NAALADL2: variants seen among roughly 807,000 people sequenced by gnomAD.
NAALADL2 encodes N-acetylated alpha-linked acidic dipeptidase like 2, also known as inactive N-acetylated-alpha-linked acidic dipeptidase-like protein 2.
Under a neutral mutation model 87.2 loss-of-function variants are expected in NAALADL2, and 76 were observed. That is an observed-to-expected ratio of 0.87 (90% CI 0.72 to 1.05). The LOEUF (loss-of-function observed/expected upper bound fraction) is 1.05. Ranked by LOEUF, NAALADL2 falls within the 50% of genes least tolerant of loss-of-function variation. NAALADL2 has a pLI of 0.00. For synonymous variants in NAALADL2, 354 were observed against 331.0 expected (o/e 1.07, Z -0.75); for missense variants, 1,089 against 945.8 (o/e 1.15, Z -1.99).
At chr3:174,451,458 C>T (rs1229550132) in intron 1 of NAALADL2, among the ~76,000 whole-genome samples, 1 of 152,108 alleles carries the variant, frequency 6.6e-6, no homozygotes, top group East Asian at 1.9e-4. Flanking sequence ...AACTACATAA[C>T]AGAAACTTGA....
At chr3:175,664,551 T>G (rs912055646) in intron 11 of NAALADL2, among the ~76,000 whole-genome samples, 2 of 152,134 alleles carry the variant, frequency 1.3e-5, no homozygotes, top group African/African-American at 4.8e-5. Flanking sequence ...ACCACACAGA[T>G]TGAACATCTG....
chr3:175,455,197 A>C (rs1435994316), intron 6 of NAALADL2, among the ~76,000 whole-genome samples: 1 of 152,008 alleles, frequency 6.6e-6, no homozygotes, highest in Non-Finnish European at 1.5e-5. Context: ...CCTTAACCCA[A>C]CCTGCTGGCC....
intron 11 of NAALADL2, among the ~76,000 whole-genome samples, chr3:175,695,781 A>G (rs531021086): frequency 1.3e-5 from 2 of 152,268 alleles, no homozygotes; most frequent in South Asian, 4.1e-4. Flanking sequence ...ATAAACAACT[A>G]TATGTTTCAA....
chr3:174,845,500 C>T (rs1263901903), intron 3 of NAALADL2, among the ~76,000 whole-genome samples: 1 of 152,194 alleles, frequency 6.6e-6, no homozygotes, highest in African/African-American at 2.4e-5. Flanking sequence ...AAGACCATTT[C>T]CCCTGGTGAC....
chr3:175,337,939 G>C (rs1240811099), intron 5 of NAALADL2, among the ~76,000 whole-genome samples: 2 of 152,210 alleles, frequency 1.3e-5, no homozygotes, highest in Non-Finnish European at 1.5e-5. Context: ...TAACGAGTAA[G>C]AGCCTAGCAA....
chr3:175,629,047 A>G (rs916885028), intron 11 of NAALADL2, among the ~76,000 whole-genome samples: 13 of 150,586 alleles, frequency 8.6e-5, no homozygotes, highest in African/African-American at 2.9e-4. Context: ...TTTTTTGTAT[A>G]TAACAGGATA....
intron 5 of NAALADL2, among the ~76,000 whole-genome samples, chr3:175,352,643 C>A (rs748643089): frequency 2.4e-4 from 36 of 152,044 alleles, no homozygotes; most frequent in South Asian, 6.2e-4. Flanking sequence ...ATAAACGATG[C>A]CTTAATAGTA....
chr3:174,628,474 CAAAAA>C (rs5854584), intron 2 of NAALADL2, among the ~76,000 whole-genome samples: 25 of 86,584 alleles, frequency 2.9e-4, no homozygotes, highest in African/African-American at 9.0e-4. Context: ...GAGACTGTCT[CAAAAA>C]AAAAAAAAAA....
At chr3:175,572,439 C>A (rs1482605703) in intron 9 of NAALADL2, among the ~76,000 whole-genome samples, 1 of 149,736 alleles carries the variant, frequency 6.7e-6, no homozygotes, top group African/African-American at 2.5e-5. Context: ...TTTTATATGG[C>A]AGAGGCAGCA....
rs1014106195 is a variant in NAALADL2, at chr3:175,520,381, C to T, written c.1653+48623C>T. ...TGGTGCAATCTCGGCTCACTGCAAG[C>T]TCCGCTTCCCGGGTTCACGCCATTC... On this transcript the variant is annotated intron_variant, in intron 9 of 13. Transcript: ENST00000454872. 9.3e-5 allele frequency among the ~76,000 whole-genome samples: 14 copies of T among 150,774 alleles called. No homozygotes were observed. In the East Asian group the frequency reaches 2.7e-3, roughly 29 times the overall value.
At chr3:175,542,018 A>G (rs1712434296) in intron 9 of NAALADL2, among the ~76,000 whole-genome samples, 1 of 152,044 alleles carries the variant, frequency 6.6e-6, no homozygotes, top group East Asian at 1.9e-4. Flanking sequence ...CACATGGACT[A>G]TGTGCAACTT....
At chr3:175,667,181 G>A (rs372662808) in intron 11 of NAALADL2, among the ~76,000 whole-genome samples, 87 of 95,224 alleles carry the variant, frequency 9.1e-4, no homozygotes, top group East Asian at 5.0e-3. Context: ...AAGAAAGAAA[G>A]AGAAAGAAAG....
chr3:175,410,655 T>C (rs1713333317), intron 5 of NAALADL2, among the ~76,000 whole-genome samples: 1 of 152,196 alleles, frequency 6.6e-6, no homozygotes, highest in Admixed American at 6.5e-5. Flanking sequence ...TTAACATATT[T>C]ACATGATACA....
intron 3 of NAALADL2, among the ~76,000 whole-genome samples, chr3:174,813,510 A>G (rs1720450711): frequency 6.6e-6 from 1 of 152,256 alleles, no homozygotes; most frequent in Non-Finnish European, 1.5e-5. Flanking sequence ...ACAGTAGGTT[A>G]TACCATGTAG....
intron 2 of NAALADL2, among the ~76,000 whole-genome samples, chr3:174,643,467 A>ATG (rs1723463556): frequency 6.6e-6 from 1 of 152,088 alleles, no homozygotes; most frequent in Non-Finnish European, 1.5e-5. Flanking sequence ...GCCTTGGCCA[A>ATG]CACAATGAAA....
At chr3:174,716,330 A>G (rs1043954494) in intron 2 of NAALADL2, among the ~76,000 whole-genome samples, 1 of 138,610 alleles carries the variant, frequency 7.2e-6, no homozygotes. Flanking sequence ...TACTCATTGT[A>G]TTTTTTGCTT....
chr3:175,670,660 A>G (rs16826099), intron 11 of NAALADL2, among the ~76,000 whole-genome samples: 4,578 of 149,598 alleles, frequency 0.031, 240 homozygotes, highest in African/African-American at 0.11. Context: ...GGAATTTTCA[A>G]TCCTCCAAGA....
At chr3:174,469,942 C>T (rs1577976333) in intron 1 of NAALADL2, among the ~76,000 whole-genome samples, 1 of 152,056 alleles carries the variant, frequency 6.6e-6, no homozygotes, top group Non-Finnish European at 1.5e-5. Flanking sequence ...TATATTGTCT[C>T]TACAATTACC....
rs575257657 is a variant in NAALADL2 at position 175,281,663 on chromosome 3, C to T, written c.939+25133C>T. ...ACATGAATACATTACATAATGTATG[C>T]GATTAAATTTTTTTCTAGAATTTGA... is the stretch of plus-strand genomic sequence containing the variant. On this transcript the variant is annotated intron_variant, in intron 4 of 13. Coordinates refer to ENST00000454872, the MANE Select transcript of NAALADL2 (RefSeq NM_207015.3). Among the ~76,000 whole-genome samples, 268 of 151,914 alleles carry T rather than the reference C, an allele frequency of 1.8e-3. 1 individual carries two copies. The highest frequency in any genetic ancestry group is 5.9e-3 in the African/African-American group (244 of 41,484).
Sources: gnomAD v4.1 joint callset for allele counts (sites outside exome capture counted in the v4.1 genomes callset) on GRCh38, gnomAD v4.1.1 for gene constraint, MANE v1.5 for transcripts, NCBI Gene and HGNC (gene_info 2026-07-23, HGNC 2026-07-21) for gene names.